SGCZ: variants seen among roughly 807,000 people sequenced by gnomAD.
SGCZ encodes zeta-sarcoglycan.
A neutral mutation model predicts 41.3 loss-of-function variants in SGCZ; 40 were observed. That is an observed-to-expected ratio of 0.97 (90% CI 0.75 to 1.26). SGCZ has a LOEUF of 1.26. SGCZ is among the 50% of genes most tolerant of loss of function. The pLI, the probability that SGCZ is intolerant of heterozygous loss-of-function variation, is 0.00. For synonymous variants in SGCZ, 206 were observed against 137.5 expected (o/e 1.50, Z -3.49); for missense variants, 552 against 369.8 (o/e 1.49, Z -4.04).
chr8:14,215,896 C>T (rs1463545693), intron 4 of SGCZ, among the ~76,000 whole-genome samples: 4 of 152,186 alleles, frequency 2.6e-5, no homozygotes, highest in African/African-American at 4.8e-5. Flanking sequence ...AGACACTGGA[C>T]GAAAGACAGA....
At chr8:14,658,090 C>T (rs1239112885) in intron 1 of SGCZ, among the ~76,000 whole-genome samples, 1 of 152,152 alleles carries the variant, frequency 6.6e-6, no homozygotes, top group Non-Finnish European at 1.5e-5. Flanking sequence ...TGTCCATCTT[C>T]ATGCGTGCAA....
intron 1 of SGCZ, among the ~76,000 whole-genome samples, chr8:15,164,339 G>T (rs568551206): frequency 1.3e-5 from 2 of 151,948 alleles, no homozygotes; most frequent in East Asian, 2.0e-4. Flanking sequence ...AGGACCCACC[G>T]GTGAGCAGCA....
chr8:14,257,877 A>T (rs1799519169), intron 3 of SGCZ, among the ~76,000 whole-genome samples: 2 of 152,110 alleles, frequency 1.3e-5, no homozygotes, highest in Admixed American at 1.3e-4. Flanking sequence ...TTAATTACTG[A>T]TTATATTCTT....
intron 2 of SGCZ, among the ~76,000 whole-genome samples, chr8:14,379,598 T>G (rs947338819): frequency 6.6e-6 from 1 of 152,150 alleles, no homozygotes; most frequent in Non-Finnish European, 1.5e-5. Context: ...CAATAGACTA[T>G]TTTTAGACAC....
chr8:15,145,963 G>A (rs1799024257), intron 1 of SGCZ, among the ~76,000 whole-genome samples: 1 of 152,260 alleles, frequency 6.6e-6, no homozygotes, highest in East Asian at 1.9e-4. Context: ...AAGAGAATGG[G>A]TGAGGGGGTA....
chr8:14,603,218 A>C (rs1231939628), intron 1 of SGCZ, among the ~76,000 whole-genome samples: 1 of 152,198 alleles, frequency 6.6e-6, no homozygotes, highest in African/African-American at 2.4e-5. Context: ...TTGATCTAGA[A>C]AAAGGCCTTG....
intron 1 of SGCZ, among the ~76,000 whole-genome samples, chr8:15,227,610 C>A (rs564041064): frequency 6.6e-6 from 1 of 152,270 alleles, no homozygotes; most frequent in South Asian, 2.1e-4. Flanking sequence ...CTATAAACTG[C>A]TGTTAACATT....
chr8:14,507,760 GTTTT>G (rs201478451), intron 2 of SGCZ, among the ~76,000 whole-genome samples: 1 of 118,684 alleles, frequency 8.4e-6, no homozygotes, highest in East Asian at 2.6e-4. Flanking sequence ...TTGTTTGTTT[GTTTT>G]TTTGTTTTTG....
chr8:14,896,827 C>A (rs1184462305), intron 1 of SGCZ, among the ~76,000 whole-genome samples: 1 of 151,278 alleles, frequency 6.6e-6, no homozygotes, highest in East Asian at 1.9e-4. Flanking sequence ...CACCCAGGCT[C>A]TGGAGTGCAG....
chr8:15,107,853 C>A (rs1373730733), intron 1 of SGCZ, among the ~76,000 whole-genome samples: 1 of 152,104 alleles, frequency 6.6e-6, no homozygotes, highest in African/African-American at 2.4e-5. Context: ...CTTCTGAGAT[C>A]AATTTTGGAG....
intron 2 of SGCZ, among the ~76,000 whole-genome samples, chr8:14,521,958 T>C (rs1037095935): frequency 1.3e-5 from 2 of 152,126 alleles, no homozygotes; most frequent in African/African-American, 2.4e-5. Context: ...CTGAGAGGCT[T>C]AATCATGGAT....
At chr8:14,418,595 G>A (rs189141859) in intron 2 of SGCZ, among the ~76,000 whole-genome samples, 8 of 145,970 alleles carry the variant, frequency 5.5e-5, no homozygotes. Flanking sequence ...TTTGGTGTCA[G>A]TTTTCAAAGT....
chr8:14,749,121 A>G (rs958602085), intron 1 of SGCZ, among the ~76,000 whole-genome samples: 4 of 152,154 alleles, frequency 2.6e-5, no homozygotes, highest in Admixed American at 2.0e-4. Flanking sequence ...GTAATATTCA[A>G]TTTTCAAAAA....
In SGCZ at chr8:14,410,511, G is replaced by A. The variant is rs373584721; in HGVS notation, c.235-86307C>T. Reference sequence around the variant, plus strand: ...TGGAATTCTATTTTTGGACTGTAATGTGAAATGCTGTGTAATTCTAAGTTA... The same window carrying A: ...TGGAATTCTATTTTTGGACTGTAATATGAAATGCTGTGTAATTCTAAGTTA... On this transcript the variant is annotated intron_variant, in intron 2 of 7. Transcript: ENST00000382080. Among the ~76,000 whole-genome samples the A allele has an allele frequency of 4.6e-5, 7 of 150,558 alleles. No homozygotes were observed. The East Asian group carries it at 5.8e-4, about 13-fold the overall frequency.
chr8:14,568,914 G>T (rs959144452), intron 1 of SGCZ, among the ~76,000 whole-genome samples: 5 of 152,050 alleles, frequency 3.3e-5, no homozygotes, highest in African/African-American at 9.7e-5. Flanking sequence ...CATATTCAGG[G>T]GCATGGTGGG....
intron 1 of SGCZ, among the ~76,000 whole-genome samples, chr8:14,886,020 TATATATATATATATAA>T (rs1804787392): frequency 1.8e-5 from 2 of 113,758 alleles, no homozygotes; most frequent in South Asian, 5.2e-4. Flanking sequence ...TATATATATA[TATATATATATATATAA>T]AATTGTATAC....
chr8:14,150,351 C>G (rs1487603761), intron 5 of SGCZ, among the ~76,000 whole-genome samples: 3 of 151,876 alleles, frequency 2.0e-5, no homozygotes, highest in South Asian at 2.1e-4. Flanking sequence ...TCTAAAAATT[C>G]AATCAAAAAA....
intron 1 of SGCZ, among the ~76,000 whole-genome samples, chr8:14,664,380 T>C (rs1439412719): frequency 6.6e-6 from 1 of 152,180 alleles, no homozygotes; most frequent in Middle Eastern, 3.2e-3. Flanking sequence ...GGGACCATAT[T>C]TTACTCATCT....
intron 1 of SGCZ, among the ~76,000 whole-genome samples, chr8:15,118,470 G>A (rs1169462385): frequency 1.3e-5 from 2 of 152,192 alleles, no homozygotes; most frequent in Admixed American, 6.5e-5. Flanking sequence ...TGGTTGGAAG[G>A]TCTAAGGTTG....
Sources: allele counts gnomAD v4.1 joint callset (sites outside exome capture counted in the v4.1 genomes callset), GRCh38; gene constraint gnomAD v4.1.1; transcripts MANE v1.5; gene names NCBI Gene and HGNC (gene_info 2026-07-23, HGNC 2026-07-21).